The following BBS9 variants were observed in gnomAD, a reference collection of about 807,000 sequenced individuals.
BBS9 encodes the protein protein PTHB1.
A neutral mutation model predicts 117.7 loss-of-function variants in BBS9; 89 were observed. The observed-to-expected ratio is 0.76, with a 90% confidence interval of 0.64 to 0.90. The LOEUF is 0.90. Ranked by LOEUF, BBS9 falls within the 40% of genes least tolerant of loss-of-function variation. The probability of loss-of-function intolerance (pLI) is 0.00; values close to 1 mark genes in which losing one functional copy is unlikely to be tolerated. For synonymous variants in BBS9, 379 were observed against 370.9 expected (o/e 1.02, Z -0.25); for missense variants, 982 against 1,042.2 (o/e 0.94, Z 0.80).
At chr7:33,472,062 C>G (rs903701672) in intron 19 of BBS9, among the ~76,000 whole-genome samples, 1 of 152,184 alleles carries the variant, frequency 6.6e-6, no homozygotes, top group Non-Finnish European at 1.5e-5. Context: ...AGAGAAACTT[C>G]TAGAGGAACA....
At chr7:33,180,557 A>G (rs1293297545) in intron 5 of BBS9, among the ~76,000 whole-genome samples, 1 of 151,868 alleles carries the variant, frequency 6.6e-6, no homozygotes, top group Non-Finnish European at 1.5e-5. Context: ...GGGTTTCACC[A>G]TGTTGGCCAG....
At chr7:33,275,873 A>T (rs1326122215) in intron 9 of BBS9, among the ~76,000 whole-genome samples, 2 of 152,206 alleles carry the variant, frequency 1.3e-5, no homozygotes, top group Non-Finnish European at 2.9e-5. Flanking sequence ...AGTCAATAAT[A>T]ACTGAAATAT....
chr7:33,362,963 TTC>T (rs1314244683), intron 16 of BBS9, among the ~76,000 whole-genome samples: 1 of 152,156 alleles, frequency 6.6e-6, no homozygotes, highest in Admixed American at 6.5e-5. Flanking sequence ...TCTATTTTGT[TTC>T]TCTCTGTGAG....
intron 5 of BBS9, among the ~76,000 whole-genome samples, chr7:33,225,292 G>C (rs1427335010): frequency 6.6e-6 from 1 of 152,028 alleles, no homozygotes; most frequent in African/African-American, 2.4e-5. Context: ...TGACCTCCTG[G>C]GCTGAAGTGA....
intron 19 of BBS9, among the ~76,000 whole-genome samples, chr7:33,483,729 C>G (rs1432713037): frequency 6.6e-6 from 1 of 151,870 alleles, no homozygotes; most frequent in East Asian, 1.9e-4. Context: ...TTCCTGGACT[C>G]AAGCAATCCT....
chr7:33,338,027 AG>A (rs1208055213), intron 10 of BBS9, among the ~76,000 whole-genome samples: 1 of 152,040 alleles, frequency 6.6e-6, no homozygotes, highest in East Asian at 1.9e-4. Flanking sequence ...TGGGTGAGAA[AG>A]TTTAGGCTGT....
At chr7:33,535,782 A>T (rs1348718485) in intron 21 of BBS9, among the ~76,000 whole-genome samples, 1 of 152,144 alleles carries the variant, frequency 6.6e-6, no homozygotes, top group Non-Finnish European at 1.5e-5. Context: ...AAAAGGGCAG[A>T]TACATTAATT....
intron 19 of BBS9, among the ~76,000 whole-genome samples, chr7:33,398,682 G>A (rs1828413141): frequency 1.3e-5 from 2 of 152,102 alleles, no homozygotes. Flanking sequence ...TTTCCTAGAA[G>A]ATTAAAAGAG....
chr7:33,168,177 A>G (rs1248340054), intron 4 of BBS9, among the ~76,000 whole-genome samples: 5 of 152,160 alleles, frequency 3.3e-5, no homozygotes, highest in African/African-American at 1.2e-4. Context: ...TAGCATCCCA[A>G]AGTTAGAGGC....
Position 33,595,353 on chromosome 7 carries a change from A to G in BBS9, c.2522-9512A>G, listed in dbSNP as rs540824485. On this transcript the variant is annotated intron_variant, in intron 21 of 22. Coordinates refer to ENST00000242067, the MANE Select transcript of BBS9 (RefSeq NM_198428.3). ...GAACTTAAATTTATAAGAAAGAAAC[A>G]ACCCCATCAAAAAGTGGGCAAAGGA... Among the ~76,000 whole-genome samples, 7 of 152,322 alleles carry G rather than the reference A, an allele frequency of 4.6e-5. No individual in the cohort carries two copies. In the East Asian group the frequency reaches 1.4e-3, roughly 29 times the overall value.
chr7:33,253,741 C>T (rs1195020895), intron 5 of BBS9, among the ~76,000 whole-genome samples: 1 of 152,198 alleles, frequency 6.6e-6, no homozygotes, highest in Non-Finnish European at 1.5e-5. Flanking sequence ...ACAACTGCTC[C>T]AGCCTTACCA....
intron 19 of BBS9, among the ~76,000 whole-genome samples, chr7:33,480,720 A>G (rs1842415679): frequency 6.6e-6 from 1 of 152,188 alleles, no homozygotes; most frequent in Non-Finnish European, 1.5e-5. Context: ...ATAGATGTAT[A>G]GCAATATATG....
chr7:33,141,020 A>C (rs958346493), intron 1 of BBS9, among the ~76,000 whole-genome samples: 2 of 152,190 alleles, frequency 1.3e-5, no homozygotes, highest in African/African-American at 2.4e-5. Flanking sequence ...AGAAGTTGCA[A>C]AAATAATGGT....
chr7:33,461,268 A>G (rs1474769862), intron 19 of BBS9, among the ~76,000 whole-genome samples: 2 of 151,976 alleles, frequency 1.3e-5, no homozygotes, highest in East Asian at 3.9e-4. Context: ...GTGGGATCAT[A>G]TGGTAATTCT....
At chr7:33,500,728 C>A (rs1461183944) in intron 19 of BBS9, among the ~76,000 whole-genome samples, 6 of 152,208 alleles carry the variant, frequency 3.9e-5, no homozygotes, top group African/African-American at 1.4e-4. Context: ...TCCGTGTTCA[C>A]ATAGTATGAT....
intron 21 of BBS9, among the ~76,000 whole-genome samples, chr7:33,611,454 T>G (rs1347763589): frequency 7.1e-6 from 1 of 140,002 alleles, no homozygotes; most frequent in Non-Finnish European, 1.5e-5. Flanking sequence ...TTATAATATT[T>G]AATATAATAA....
At chr7:33,466,069 T>G (rs540946612) in intron 19 of BBS9, among the ~76,000 whole-genome samples, 55 of 152,194 alleles carry the variant, frequency 3.6e-4, no homozygotes, top group African/African-American at 1.3e-3. Flanking sequence ...GAGAGAGATA[T>G]ATATATATAT....
At chr7:33,392,338 T>C (rs1203421860) in intron 19 of BBS9, among the ~76,000 whole-genome samples, 1 of 152,226 alleles carries the variant, frequency 6.6e-6, no homozygotes, top group Non-Finnish European at 1.5e-5. Context: ...GGTCAGCTGG[T>C]GGCTCAGCTC....
chr7:33,377,148 A>G (rs73101683), intron 17 of BBS9, among the ~76,000 whole-genome samples: 28,102 of 152,058 alleles, frequency 0.18, 2,836 homozygotes, highest in Non-Finnish European at 0.22. Context: ...GATATTTTCT[A>G]GGTTGTCTTC....
Sources: gnomAD v4.1 joint callset for allele counts (sites outside exome capture counted in the v4.1 genomes callset) on GRCh38, gnomAD v4.1.1 for gene constraint, MANE v1.5 for transcripts, NCBI Gene and HGNC (gene_info 2026-07-23, HGNC 2026-07-21) for gene names.